The following DLG2 variants were observed in gnomAD, a reference collection of about 807,000 sequenced individuals.
DLG2 encodes discs large MAGUK scaffold protein 2.
DLG2 carries 45 observed loss-of-function variants against 132.5 expected under a neutral mutation model. That is an observed-to-expected ratio of 0.34 (90% CI 0.27 to 0.44). The LOEUF (loss-of-function observed/expected upper bound fraction) is 0.44, where lower values mean the gene tolerates loss of function less well. Ranked by LOEUF, DLG2 falls within the 20% of genes least tolerant of loss-of-function variation. DLG2 has a pLI of 1.00. For missense variants in DLG2, 1,045 were observed against 1,196.9 expected, an observed-to-expected ratio of 0.87 and a Z score of 1.87; for synonymous variants, 424 against 419.6, an observed-to-expected ratio of 1.01 and a Z score of -0.13.
At chr11:85,158,920 C>A (rs975999861) in intron 4 of DLG2, among the ~76,000 whole-genome samples, 1 of 152,172 alleles carries the variant, frequency 6.6e-6, no homozygotes, top group African/African-American at 2.4e-5. Context: ...AAAACAGAAT[C>A]ATGGCCCCTC....
rs538224925 is a variant in DLG2, at chr11:85,181,266, A to G, written c.187-26615T>C. ...TATATGTGTATATATGTGTATATAT[A>G]TGTGTGTATATACATAGAGGGAGAA... On this transcript the variant is annotated intron_variant, in intron 4 of 27. Transcript: ENST00000376104. 5.3e-5 allele frequency among the ~76,000 whole-genome samples: 8 copies of G among 151,778 alleles called. No individual in the cohort carries two copies. The South Asian group carries it at 8.3e-4, about 16-fold the overall frequency.
chr11:84,047,669 T>C (rs2096269033), intron 11 of DLG2, among the ~76,000 whole-genome samples: 1 of 151,644 alleles, frequency 6.6e-6, no homozygotes, highest in Admixed American at 6.6e-5. Flanking sequence ...AAAAATAATT[T>C]TGACTTCAAA....
intron 2 of DLG2, among the ~76,000 whole-genome samples, chr11:85,623,823 T>C (rs1403758654): frequency 6.6e-6 from 1 of 152,250 alleles, no homozygotes; most frequent in Non-Finnish European, 1.5e-5. Context: ...TTAACTTTTA[T>C]TTCTTATGTT....
chr11:84,527,842 A>G (rs1174921226), intron 7 of DLG2, among the ~76,000 whole-genome samples: 1 of 151,446 alleles, frequency 6.6e-6, no homozygotes, highest in Non-Finnish European at 1.5e-5. Context: ...GAAATTTTGT[A>G]TAAGTGATGA....
chr11:85,356,626 G>A (rs2083711217), intron 3 of DLG2, among the ~76,000 whole-genome samples: 1 of 152,162 alleles, frequency 6.6e-6, no homozygotes, highest in Non-Finnish European at 1.5e-5. Flanking sequence ...GCATGTACTA[G>A]TCCATTGATC....
chr11:84,169,342 T>C (rs113496942), intron 8 of DLG2, among the ~76,000 whole-genome samples: 1,841 of 152,346 alleles, frequency 0.012, 32 homozygotes, highest in African/African-American at 0.042. Context: ...ATAGCTATTA[T>C]TATTAGTTCT....
chr11:84,243,017 C>CTCTCTATATATATA (rs542476924), intron 8 of DLG2, among the ~76,000 whole-genome samples: 12 of 142,144 alleles, frequency 8.4e-5, no homozygotes, highest in African/African-American at 1.3e-4. Context: ...CTCTCTCTCT[C>CTCTCTATATATATA]TATATATATA....
chr11:85,323,958 T>C (rs1258816070), intron 3 of DLG2, among the ~76,000 whole-genome samples: 3 of 152,194 alleles, frequency 2.0e-5, no homozygotes, highest in Non-Finnish European at 4.4e-5. Flanking sequence ...TCACTTCCAA[T>C]TGTTCCCATG....
intron 18 of DLG2, among the ~76,000 whole-genome samples, chr11:83,679,536 T>C (rs774949882): frequency 6.6e-6 from 1 of 152,196 alleles, no homozygotes; most frequent in Non-Finnish European, 1.5e-5. Context: ...CTGTTTTTAC[T>C]AAGTTTCCAA....
chr11:83,734,374 TC>T, intron 18 of DLG2, among the ~76,000 whole-genome samples: 1 of 145,444 alleles, frequency 6.9e-6, no homozygotes. Flanking sequence ...CTTCCTTCCT[TC>T]CTTCCTTCCT....
chr11:84,572,041 T>G (rs1200811819), intron 6 of DLG2, among the ~76,000 whole-genome samples: 1 of 151,260 alleles, frequency 6.6e-6, no homozygotes, highest in Non-Finnish European at 1.5e-5. Flanking sequence ...CTTAAGTGGA[T>G]TCTAGATTTT....
intron 6 of DLG2, among the ~76,000 whole-genome samples, chr11:85,087,577 G>A (rs1469403434): frequency 6.6e-6 from 1 of 152,118 alleles, no homozygotes; most frequent in African/African-American, 2.4e-5. Context: ...GGTGGCTCAC[G>A]CCTGTAATCC....
chr11:84,182,783 A>G (rs1330795267), intron 8 of DLG2, among the ~76,000 whole-genome samples: 1 of 152,100 alleles, frequency 6.6e-6, no homozygotes, highest in Non-Finnish European at 1.5e-5. Flanking sequence ...ACAGAAAATC[A>G]GTATAGAAAA....
intron 8 of DLG2, among the ~76,000 whole-genome samples, chr11:84,174,140 T>G (rs2095889793): frequency 6.7e-6 from 1 of 148,572 alleles, no homozygotes; most frequent in African/African-American, 2.5e-5. Context: ...CCACTCTATA[T>G]CTCTGTTAAG....
At chr11:84,762,973 A>T (rs1367041171) in intron 6 of DLG2, among the ~76,000 whole-genome samples, 3 of 152,200 alleles carry the variant, frequency 2.0e-5, no homozygotes, top group African/African-American at 7.2e-5. Flanking sequence ...TGAAAAAAAA[A>T]TATTTTATAA....
At chr11:85,310,727 G>T (rs1161217581) in intron 3 of DLG2, among the ~76,000 whole-genome samples, 1 of 152,180 alleles carries the variant, frequency 6.6e-6, no homozygotes, top group Non-Finnish European at 1.5e-5. Flanking sequence ...CAGCCATCGT[G>T]CTATTCTGGG....
At chr11:83,696,165 C>T (rs890825393) in intron 18 of DLG2, among the ~76,000 whole-genome samples, 2 of 152,026 alleles carry the variant, frequency 1.3e-5, no homozygotes, top group African/African-American at 4.8e-5. Flanking sequence ...GAGGCAATGG[C>T]AGCAGTCCAG....
At chr11:83,853,562 T>A (rs1055186360) in intron 16 of DLG2, among the ~76,000 whole-genome samples, 3 of 152,174 alleles carry the variant, frequency 2.0e-5, no homozygotes, top group Non-Finnish European at 4.4e-5. Context: ...ACTAAAGTTA[T>A]AATCTTGTAC....
In DLG2 at chr11:83,993,282, A is replaced by G. The variant is rs567144392; in HGVS notation, c.920-12640T>C. Among the ~76,000 whole-genome samples the G allele has an allele frequency of 7.4e-4, 113 of 152,312 alleles. 1 individual carries two copies. The highest frequency in any genetic ancestry group is 2.7e-3 in the African/African-American group (111 of 41,582). ...TTAATGACTAAATTGTTCAAAGACC[A>G]AATGGTCACATCTCATAGGTATACT... On this transcript the variant is annotated intron_variant, in intron 11 of 27. Coordinates refer to ENST00000376104, the MANE Select transcript of DLG2 (RefSeq NM_001142699.3).
Sources: allele counts gnomAD v4.1 joint callset (sites outside exome capture counted in the v4.1 genomes callset), GRCh38; gene constraint gnomAD v4.1.1; transcripts MANE v1.5; gene names NCBI Gene and HGNC (gene_info 2026-07-23, HGNC 2026-07-21).